FRMD6: variants seen among roughly 807,000 people sequenced by gnomAD.
The protein encoded by FRMD6 is FERM domain-containing protein 6.
Under a neutral mutation model 73.2 loss-of-function variants are expected in FRMD6, and 37 were observed. That is an observed-to-expected ratio of 0.51 (90% confidence interval 0.39 to 0.66). The LOEUF (loss-of-function observed/expected upper bound fraction) is 0.66. Among genes scored for constraint, FRMD6 ranks in the 30% least tolerant of loss-of-function variants. The probability of loss-of-function intolerance (pLI) is 0.00; values close to 1 mark genes in which losing one functional copy is unlikely to be tolerated. For synonymous variants in FRMD6, 273 were observed against 282.2 expected, an observed-to-expected ratio of 0.97 and a Z score of 0.33; for missense variants, 714 against 780.5, an observed-to-expected ratio of 0.91 and a Z score of 1.02.
intron 1 of FRMD6, among the ~76,000 whole-genome samples, chr14:51,508,144 C>A (rs1884082661): frequency 6.6e-6 from 1 of 152,156 alleles, no homozygotes; most frequent in African/African-American, 2.4e-5. Context: ...CAATGAGCAC[C>A]CCCCAGCCTG....
the FRMD6 span, among the ~76,000 whole-genome samples, chr14:51,432,750 TG>T: frequency 6.6e-6 from 1 of 152,174 alleles, no homozygotes; most frequent in African/African-American, 2.4e-5. Flanking sequence ...GGACCACCTC[TG>T]GGAGGAATAG....
At position 51,704,958 on chromosome 14, in the gene FRMD6, A is replaced by G. The variant is rs748823632; in HGVS notation, c.558+23A>G. ...TGGGTAAGCACTGTTTTCAAATTCG[A>G]AAGAGTGTTTTCTCTCGGGCATTTC... On this transcript the variant is annotated intron_variant, in intron 6 of 13. Coordinates refer to ENST00000344768, the MANE Select transcript of FRMD6 (RefSeq NM_001267046.2). The G allele has an allele frequency of 2.5e-6, 4 of 1,584,540 alleles. No individual in the cohort carries two copies. In the Admixed American group the frequency reaches 5.2e-5, roughly 21 times the overall value.
At chr14:51,544,379 A>G (rs1377855824) in intron 1 of FRMD6, among the ~76,000 whole-genome samples, 2 of 152,106 alleles carry the variant, frequency 1.3e-5, no homozygotes, top group Admixed American at 6.6e-5. Flanking sequence ...CTTAAAAACT[A>G]AAATCGTTCT....
the FRMD6 span, among the ~76,000 whole-genome samples, chr14:51,426,932 G>A: frequency 6.6e-6 from 1 of 152,168 alleles, no homozygotes; most frequent in South Asian, 2.1e-4. Flanking sequence ...GAATTTGCCT[G>A]AGCCCAAAAT....
intron 7 of FRMD6, among the ~76,000 whole-genome samples, chr14:51,709,452 G>A (rs939796931): frequency 2.6e-5 from 4 of 152,144 alleles, no homozygotes; most frequent in Non-Finnish European, 5.9e-5. Flanking sequence ...TGCCTTTTGT[G>A]GTAGGATTAG....
chr14:51,494,330 A>G (rs1306662742), intron 1 of FRMD6, among the ~76,000 whole-genome samples: 4 of 152,202 alleles, frequency 2.6e-5, no homozygotes, highest in Non-Finnish European at 5.9e-5. Flanking sequence ...ATGAAACCAA[A>G]CATGTTATAT....
At chr14:51,594,136 T>G (rs963997837) in intron 2 of FRMD6, among the ~76,000 whole-genome samples, 2 of 152,076 alleles carry the variant, frequency 1.3e-5, no homozygotes, top group African/African-American at 2.4e-5. Flanking sequence ...TTTGTTTGTT[T>G]GTTTTTGAGA....
intron 2 of FRMD6, among the ~76,000 whole-genome samples, chr14:51,639,348 T>C (rs1181956874): frequency 6.6e-6 from 1 of 151,624 alleles, no homozygotes; most frequent in Admixed American, 6.6e-5. Flanking sequence ...GGCAGGAGAA[T>C]GGCGTGAACC....
chr14:51,618,863 GAC>G (rs1331424237), intron 2 of FRMD6, among the ~76,000 whole-genome samples: 2 of 150,474 alleles, frequency 1.3e-5, no homozygotes, highest in African/African-American at 2.4e-5. Context: ...ATGAAGAATT[GAC>G]AGTTTCATCT....
chr14:51,413,952 G>A, the FRMD6 span, among the ~76,000 whole-genome samples: 9 of 152,280 alleles, frequency 5.9e-5, no homozygotes, highest in Admixed American at 3.3e-4. Context: ...CTGCATAAAT[G>A]TCTTCTTTTG....
chr14:51,472,616 A>AT, the FRMD6 span, among the ~76,000 whole-genome samples: 1 of 152,130 alleles, frequency 6.6e-6, no homozygotes, highest in African/African-American at 2.4e-5. Context: ...TGAAGGAATG[A>AT]TTTTAACTGT....
intron 11 of FRMD6, 126 bp from the exon 12 acceptor site, chr14:51,721,823 G>T: frequency 9.8e-7 from 1 of 1,018,768 alleles, no homozygotes; most frequent in Non-Finnish European, 1.4e-6. Context: ...GTTTCCTATT[G>T]GAGTCTCATT....
upstream of FRMD6, chr14:51,649,626 C>A (rs1566527258): frequency 6.6e-6 from 1 of 152,100 alleles, no homozygotes; most frequent in Non-Finnish European, 1.5e-5. Flanking sequence ...AAGTAGTATA[C>A]AATATGCACT....
intron 2 of FRMD6, among the ~76,000 whole-genome samples, chr14:51,580,246 G>A (rs1437416160): frequency 6.6e-6 from 1 of 152,116 alleles, no homozygotes; most frequent in Non-Finnish European, 1.5e-5. Context: ...CCTGCTCATT[G>A]GAAATGGACA....
At chr14:51,708,330 T>G (rs1896751492) in intron 7 of FRMD6, 97 bp downstream of exon 7, 2 of 1,148,396 alleles carry the variant, frequency 1.7e-6, no homozygotes, top group Non-Finnish European at 2.4e-6. Context: ...CCATTAAAAC[T>G]TATTTCATTT....
chr14:51,534,178 T>C (rs2140343025), intron 1 of FRMD6, among the ~76,000 whole-genome samples: 1 of 152,330 alleles, frequency 6.6e-6, no homozygotes, highest in African/African-American at 2.4e-5. Context: ...CAAACGGCTG[T>C]AGATCTCAAT....
At chr14:51,699,256 C>G (rs1052881559) in intron 3 of FRMD6, among the ~76,000 whole-genome samples, 1 of 152,012 alleles carries the variant, frequency 6.6e-6, no homozygotes, top group Non-Finnish European at 1.5e-5. Context: ...CAGTTTCTTC[C>G]TGTGGTAGTT....
chr14:51,548,403 G>A (rs1413662109), intron 1 of FRMD6, among the ~76,000 whole-genome samples: 3 of 152,190 alleles, frequency 2.0e-5, no homozygotes, highest in African/African-American at 7.2e-5. Flanking sequence ...GTAGCCATCA[G>A]AATTAATTGC....
intron 2 of FRMD6, among the ~76,000 whole-genome samples, chr14:51,620,999 A>G (rs2139922101): frequency 6.6e-6 from 1 of 152,368 alleles, no homozygotes; most frequent in South Asian, 2.1e-4. Flanking sequence ...GTTTGCTGAT[A>G]GAATCAACTT....
Sources: allele counts gnomAD v4.1 joint callset (sites outside exome capture counted in the v4.1 genomes callset), GRCh38; gene constraint gnomAD v4.1.1; transcripts MANE v1.5; gene names NCBI Gene and HGNC (gene_info 2026-07-23, HGNC 2026-07-21).